GPAT4: variants seen among roughly 807,000 people sequenced by gnomAD.
GPAT4 encodes 1-AGP acyltransferase 6.
Under a neutral mutation model 58.0 loss-of-function variants are expected in GPAT4, and 17 were observed. The ratio of observed to expected loss-of-function variants is 0.29; its 90% CI spans 0.20 to 0.44. The LOEUF (loss-of-function observed/expected upper bound fraction) is 0.44. Ranked by LOEUF, GPAT4 falls within the 20% of genes least tolerant of loss-of-function variation. The pLI is 1.00. For synonymous variants in GPAT4, 204 were observed against 210.1 expected (o/e 0.97, Z 0.25); for missense variants, 377 against 574.5 (o/e 0.66, Z 3.51).
intron 1 of GPAT4, among the ~76,000 whole-genome samples, chr8:41,597,950 ACT>A (rs1251856507): frequency 6.6e-6 from 1 of 152,170 alleles, no homozygotes; most frequent in Non-Finnish European, 1.5e-5. Context: ...GTGCGGAACC[ACT>A]CTGAGTATCT....
At position 41,598,793 on chromosome 8, in the gene GPAT4, C is replaced by T. The variant is rs1390769184; in HGVS notation, c.-347C>T. ...AACCATGTAAAACCTCTGGAAGCAG[C>T]ATCAGGACAGCAGAGCAGAGCCCCC... On this transcript the variant is annotated 5_prime_UTR_variant, in exon 2 of 13. Transcript: ENST00000396987. 4.5e-6 allele frequency: 1 copy of T among 222,376 alleles called. No homozygotes were observed. Among genetic ancestry groups the T allele is most frequent in the Non-Finnish European group, 8.6e-6 (1 of 116,010 alleles). 13.8% of individuals were successfully genotyped at this position (222,376 alleles called of 1,614,324 possible).
intron 1 of GPAT4, among the ~76,000 whole-genome samples, chr8:41,593,696 T>A (rs1313700003): frequency 6.6e-6 from 1 of 152,218 alleles, no homozygotes; most frequent in Non-Finnish European, 1.5e-5. Context: ...TCCCTTCTTT[T>A]CACCCTTTGA....
intron 1 of GPAT4, among the ~76,000 whole-genome samples, chr8:41,597,747 T>G (rs1218135437): frequency 6.6e-6 from 1 of 152,242 alleles, no homozygotes; most frequent in Non-Finnish European, 1.5e-5. Context: ...GAAGGAGCTC[T>G]ATGTGTATTG....
rs117629065 is a variant in GPAT4, at chr8:41,607,881, C to T, written c.166-1535C>T. Among the ~76,000 whole-genome samples the T allele has an allele frequency of 7.4e-3, 1,129 of 152,226 alleles. 3 individuals are homozygous for T. Among genetic ancestry groups the T allele is most frequent in the Non-Finnish European group, 9.9e-3 (675 of 68,008 alleles). Reference sequence around the variant, plus strand: ...TTGCAGTGCCAAAACAGAGCCTGGCCAAAATGTAGAACCCTAAATTCTGGT... The same window carrying T: ...TTGCAGTGCCAAAACAGAGCCTGGCTAAAATGTAGAACCCTAAATTCTGGT... On this transcript the variant is annotated intron_variant, in intron 2 of 12. Transcript: ENST00000396987.
In GPAT4 at chr8:41,614,312, A is replaced by C. The variant is rs191091380; in HGVS notation, c.912-74A>C. On this transcript the variant is annotated intron_variant, in intron 8 of 12. Transcript: ENST00000396987. ...ATCGAAACTAGTGTCACAAATAAAT[A>C]GGTTATTTATAAACATATTTTGACG... is the stretch of plus-strand genomic sequence containing the variant. The C allele has an allele frequency of 7.8e-6, 10 of 1,281,754 alleles. No homozygotes were observed. In the East Asian group the frequency reaches 1.7e-4, roughly 22 times the overall value. The allele number at this position is 1,281,754 out of a possible 1,614,324, so 79.4% of individuals were successfully genotyped here. A position where few individuals can be genotyped will look rare whatever the true frequency, so the allele number is the denominator to read the frequency against.
chr8:41,610,689 G>C (rs1474739886), intron 4 of GPAT4, 47 bp from the exon 5 acceptor site: 1 of 1,595,716 alleles, frequency 6.3e-7, no homozygotes, highest in Non-Finnish European at 8.5e-7. Context: ...TTCTGTACTT[G>C]GTAGAATGAT....
chr8:41,610,733 C>A lies in GPAT4; in HGVS notation c.537-3C>A. ...TGTGCTCTAACTTTTCTTCTTCTTA[C>A]AGGATAGCACTGGCTTTCACAGGGA... On this transcript the variant is annotated splice_region_variant and splice_polypyrimidine_tract_variant and intron_variant, in intron 4 of 12. Coordinates refer to ENST00000396987, the MANE Select transcript of GPAT4 (RefSeq NM_178819.4). The A allele has an allele frequency of 6.2e-7, 1 of 1,605,048 alleles. No homozygotes were observed. The highest frequency in any genetic ancestry group is 1.1e-5 in the South Asian group (1 of 89,672).
In GPAT4 at chr8:41,598,564, C is replaced by T. The variant is rs1283385049; in HGVS notation, c.-576C>T. 3 of 152,250 alleles carry T rather than the reference C, an allele frequency of 2.0e-5. No homozygotes were observed. The highest frequency in any genetic ancestry group is 7.2e-5 in the African/African-American group (3 of 41,442). 9.4% of individuals were successfully genotyped at this position (152,250 alleles called of 1,614,324 possible). A position where few individuals can be genotyped will look rare whatever the true frequency, so the allele number is the denominator to read the frequency against. ...TGAACTCTCTACCATGAACATGGTT[C>T]TCGGCTTATGAAGGAATTTTAAGTA... is the stretch of plus-strand genomic sequence containing the variant. On this transcript the variant is annotated 5_prime_UTR_variant, in exon 2 of 13. Coordinates refer to ENST00000396987, the MANE Select transcript of GPAT4 (RefSeq NM_178819.4).
chr8:41,596,983 T>A (rs922659561), intron 1 of GPAT4, among the ~76,000 whole-genome samples: 1 of 152,118 alleles, frequency 6.6e-6, no homozygotes, highest in Non-Finnish European at 1.5e-5. Context: ...GGGAGCTGCA[T>A]GCACCGGTAA....
chr8:41,598,017 G>A (rs573800576), intron 1 of GPAT4, among the ~76,000 whole-genome samples: 3 of 152,316 alleles, frequency 2.0e-5, no homozygotes, highest in African/African-American at 7.2e-5. Context: ...TCTTTTAAAT[G>A]TGTCTTATAT....
intron 2 of GPAT4, among the ~76,000 whole-genome samples, chr8:41,608,085 T>A (rs139146733): frequency 6.6e-6 from 1 of 152,238 alleles, no homozygotes; most frequent in South Asian, 2.1e-4. Context: ...TGGCCAAATA[T>A]CTGAAACAGA....
chr8:41,624,758 T>A lies in GPAT4; in HGVS notation c.*3757T>A, dbSNP rs944493088. 1.3e-5 allele frequency: 2 copies of A among 152,182 alleles called. No individual in the cohort carries two copies. The highest frequency in any genetic ancestry group is 1.3e-4 in the Admixed American group (2 of 15,290). 9.4% of individuals were successfully genotyped at this position (152,182 alleles called of 1,614,324 possible). On this transcript the variant is annotated 3_prime_UTR_variant, in exon 13 of 13. Transcript: ENST00000396987. ...GATTAAAAGTATTGATCATTTCATT[T>A]GTAAACGATAAATAAAAAGGGGGAA...
At chr8:41,605,789 C>A (rs1185053428) in intron 2 of GPAT4, among the ~76,000 whole-genome samples, 1 of 152,156 alleles carries the variant, frequency 6.6e-6, no homozygotes, top group African/African-American at 2.4e-5. Context: ...CCAGGCTGGT[C>A]TCAAACTCCT....
chr8:41,591,846 C>T (rs1303112298), intron 1 of GPAT4, among the ~76,000 whole-genome samples: 3 of 152,252 alleles, frequency 2.0e-5, no homozygotes, highest in Non-Finnish European at 4.4e-5. Context: ...ACAGACCCTT[C>T]CTTCAGCTGC....
At position 41,598,937 on chromosome 8, in the gene GPAT4, T is replaced by A. The variant is rs749797939; in HGVS notation, c.-203T>A. 3 of 639,148 alleles carry A rather than the reference T, an allele frequency of 4.7e-6. No homozygotes were observed. The highest frequency in any genetic ancestry group is 7.9e-6 in the Non-Finnish European group (3 of 378,444). The allele number at this position is 639,148 out of a possible 1,614,324, so 39.6% of individuals were successfully genotyped here. On this transcript the variant is annotated 5_prime_UTR_variant, in exon 2 of 13. The change creates a new upstream start codon in the 5' untranslated region. Coordinates refer to ENST00000396987, the MANE Select transcript of GPAT4 (RefSeq NM_178819.4). ...TTCTGGAGAGACCTGGCGTTTGCAG[T>A]TGCCTCCTGTGGCCGTGTTTTTCTG...
chr8:41,580,388 C>T (rs559329055), intron 1 of GPAT4, among the ~76,000 whole-genome samples: 1 of 152,178 alleles, frequency 6.6e-6, no homozygotes. Context: ...CTCAGAAAGC[C>T]TTTCATGCCA....
Position 41,621,261 on chromosome 8 carries a change from T to C in GPAT4, c.*260T>C. 1 of 511,996 alleles carries C rather than the reference T, an allele frequency of 2.0e-6. No individual in the cohort carries two copies. Among genetic ancestry groups the C allele is most frequent in the South Asian group, 2.3e-5 (1 of 43,466 alleles). 31.7% of individuals were successfully genotyped at this position (511,996 alleles called of 1,614,324 possible). ...CCTTGTTTCTTTTACAATAAGTCGT[T>C]GGAGGAATGCCATTAAAGTGAACTC... On this transcript the variant is annotated 3_prime_UTR_variant, in exon 13 of 13. Transcript: ENST00000396987.
intron 9 of GPAT4, 103 bp from the exon 10 acceptor site, chr8:41,614,860 C>A (rs1235663917): frequency 2.2e-6 from 2 of 916,458 alleles, no homozygotes; most frequent in African/African-American, 1.7e-5. Flanking sequence ...ACTGGAGGAA[C>A]CATTAGAAGA....
chr8:41,609,177 G>A (rs991210242), intron 2 of GPAT4, among the ~76,000 whole-genome samples: 2 of 152,212 alleles, frequency 1.3e-5, no homozygotes, highest in African/African-American at 2.4e-5. Context: ...TGAGGAACTC[G>A]CCCCAGCTTC....
Sources: allele counts gnomAD v4.1 joint callset (sites outside exome capture counted in the v4.1 genomes callset), GRCh38; gene constraint gnomAD v4.1.1; transcripts MANE v1.5; gene names NCBI Gene and HGNC (gene_info 2026-07-23, HGNC 2026-07-21).